The following COMMD1 variants were observed in gnomAD, a reference collection of about 807,000 sequenced individuals.
COMMD1 encodes the protein copper metabolism domain containing 1, also known as COMM domain-containing protein 1.
Under a neutral mutation model 17.2 loss-of-function variants are expected in COMMD1, and 10 were observed. That is an observed-to-expected ratio of 0.58 (90% confidence interval 0.36 to 0.99). The LOEUF (loss-of-function observed/expected upper bound fraction) is 0.99, where lower values mean the gene tolerates loss of function less well. Among genes scored for constraint, COMMD1 ranks in the 50% least tolerant of loss-of-function variants. The pLI is 0.01. For synonymous variants in COMMD1, 97 were observed against 91.6 expected (o/e 1.06, Z -0.34); for missense variants, 270 against 231.8 (o/e 1.17, Z -1.07).
chr2:62,133,549 G>GAAAAAAAAAAA (rs547044702), intron 2 of COMMD1, among the ~76,000 whole-genome samples: 1 of 116,402 alleles, frequency 8.6e-6, no homozygotes, highest in Non-Finnish European at 1.9e-5. Flanking sequence ...AAGCTTAACA[G>GAAAAAAAAAAA]AAAAAAAAAA....
At chr2:61,896,379 A>T (rs1669548514) in intron 1 of COMMD1, among the ~76,000 whole-genome samples, 1 of 152,062 alleles carries the variant, frequency 6.6e-6, no homozygotes, top group Non-Finnish European at 1.5e-5. Flanking sequence ...TGAGCCCAGG[A>T]ATTTGAGATC....
chr2:62,098,831 TC>T (rs912040762), intron 2 of COMMD1, among the ~76,000 whole-genome samples: 8 of 152,318 alleles, frequency 5.3e-5, no homozygotes, highest in Admixed American at 3.9e-4. Flanking sequence ...AAATCATTCT[TC>T]AGCTTTGTTC....
chr2:62,093,167 T>A (rs954808579), intron 2 of COMMD1, among the ~76,000 whole-genome samples: 6 of 152,168 alleles, frequency 3.9e-5, no homozygotes, highest in Non-Finnish European at 8.8e-5. Context: ...TTCTACTCAA[T>A]GAGAAAACAT....
At chr2:62,012,614 G>A (rs550421927) in intron 2 of COMMD1, among the ~76,000 whole-genome samples, 4 of 152,058 alleles carry the variant, frequency 2.6e-5, no homozygotes, top group Middle Eastern at 6.8e-3. Flanking sequence ...CACCGCACCC[G>A]GCCCCTTTGG....
At chr2:61,902,229 C>T (rs1289109421), upstream of COMMD1, among the ~76,000 whole-genome samples, 5 of 151,366 alleles carry the variant, frequency 3.3e-5, no homozygotes, top group Admixed American at 1.3e-4. Context: ...CTGAAGTGTC[C>T]GGGCACGGTG....
At chr2:62,103,088 C>T (rs1428140578) in intron 2 of COMMD1, among the ~76,000 whole-genome samples, 2 of 151,856 alleles carry the variant, frequency 1.3e-5, no homozygotes, top group African/African-American at 2.4e-5. Context: ...AGGCCATTCT[C>T]CTGCCTCAGC....
chr2:61,893,056 G>A (rs1356253875), intron 1 of COMMD1, among the ~76,000 whole-genome samples: 5 of 151,770 alleles, frequency 3.3e-5, no homozygotes, highest in African/African-American at 9.7e-5. Context: ...TAGTAGAGAC[G>A]GGGTTTCACC....
rs573615914 is a variant in COMMD1 at position 62,005,739 on chromosome 2, C to T, written c.462+4757C>T. Among the ~76,000 whole-genome samples, 1,185 of 151,410 alleles carry T rather than the reference C, an allele frequency of 7.8e-3. 4 individuals carry two copies. Among genetic ancestry groups the T allele is most frequent in the Non-Finnish European group, 0.012 (828 of 67,688 alleles). On this transcript the variant is annotated intron_variant, in intron 2 of 2. Transcript: ENST00000311832. ...TGGAGAAATAGGAACACTTTTACAC[C>T]GTTGGTGGGACTGTAAACTAGTTCA...
At chr2:62,107,779 A>T (rs1171685534) in intron 2 of COMMD1, among the ~76,000 whole-genome samples, 1 of 152,198 alleles carries the variant, frequency 6.6e-6, no homozygotes, top group Admixed American at 6.5e-5. Context: ...ATGTGTCAAC[A>T]TTCAGCTTTA....
chr2:62,009,270 A>G (rs1669212189), intron 2 of COMMD1, among the ~76,000 whole-genome samples: 1 of 152,190 alleles, frequency 6.6e-6, no homozygotes, highest in Admixed American at 6.5e-5. Context: ...ATTTAAAGGT[A>G]TAATTTATAG....
rs1260053238 is a variant in COMMD1 at position 62,019,038 on chromosome 2, C to CCTCCCTCCCTCCCTCCCTCCCTCT, written c.462+18064_462+18065insCTCCCTCCCTCCCTCTCTCCCTCC. Among the ~76,000 whole-genome samples the CCTCCCTCCCTCCCTCCCTCCCTCT allele has an allele frequency of 5.0e-3, 718 of 144,398 alleles. 15 individuals carry two copies. The highest frequency in any genetic ancestry group is 0.018 in the African/African-American group (670 of 37,104). The allele number at this position is 144,398 out of a possible 152,430, so 94.7% of individuals were successfully genotyped here. On this transcript the variant is annotated intron_variant, in intron 2 of 2. Coordinates refer to ENST00000311832, the MANE Select transcript of COMMD1 (RefSeq NM_152516.4). ...ACCAACCAACTTCCCTCCCTCCCTCCCTCCCTCCTTCCTTCCTTTCTTTCT... is the reference window on the plus strand; with the variant it reads ...ACCAACCAACTTCCCTCCCTCCCTCCCTCCCTCCCTCCCTCCCTCCCTCTCTCCCTCCTTCCTTCCTTTCTTTCT...
At chr2:61,954,625 A>G (rs1572998180) in intron 1 of COMMD1, among the ~76,000 whole-genome samples, 1 of 152,238 alleles carries the variant, frequency 6.6e-6, no homozygotes, top group South Asian at 2.1e-4. Flanking sequence ...GTAGGTAAAG[A>G]TAAAGGATAG....
intron 2 of COMMD1, among the ~76,000 whole-genome samples, chr2:62,035,452 G>GT (rs974345557): frequency 1.3e-5 from 2 of 152,052 alleles, no homozygotes; most frequent in African/African-American, 2.4e-5. Context: ...AGGTAGAATG[G>GT]TTTTTTGGCC....
At chr2:61,889,235 C>G (rs1379436021) in intron 1 of COMMD1, among the ~76,000 whole-genome samples, 1 of 90,956 alleles carries the variant, frequency 1.1e-5, no homozygotes, top group Non-Finnish European at 2.0e-5. Flanking sequence ...TTGACAGAGT[C>G]TCGCTCTGTC....
intron 1 of COMMD1, among the ~76,000 whole-genome samples, chr2:61,922,920 C>T (rs1008612184): frequency 6.6e-6 from 1 of 152,182 alleles, no homozygotes; most frequent in Non-Finnish European, 1.5e-5. Context: ...TAAATTTGTT[C>T]TGGAGTGACT....
intron 1 of COMMD1, among the ~76,000 whole-genome samples, chr2:61,957,070 T>C (rs1004215194): frequency 6.8e-6 from 1 of 146,570 alleles, no homozygotes; most frequent in African/African-American, 2.6e-5. Context: ...ATAGTTTTAA[T>C]TGAAGGAAGA....
At chr2:61,905,549 C>G (rs534215155), upstream of COMMD1, 1 of 856,094 alleles carries the variant, frequency 1.2e-6, no homozygotes, top group Non-Finnish European at 1.8e-6. Flanking sequence ...CCAACTCTGA[C>G]CCCTGGGGAA....
At chr2:62,041,040 C>T (rs1465323515) in intron 2 of COMMD1, among the ~76,000 whole-genome samples, 1 of 152,160 alleles carries the variant, frequency 6.6e-6, no homozygotes, top group Non-Finnish European at 1.5e-5. Context: ...CTGTTTTCCT[C>T]TTCACACTGC....
chr2:62,005,877 T>C (rs982172013), intron 2 of COMMD1, among the ~76,000 whole-genome samples: 15 of 151,530 alleles, frequency 9.9e-5, no homozygotes, highest in African/African-American at 3.4e-4. Flanking sequence ...ATCATGCTGC[T>C]ATAAAGACAC....
Sources: allele counts gnomAD v4.1 joint callset (sites outside exome capture counted in the v4.1 genomes callset), GRCh38; gene constraint gnomAD v4.1.1; transcripts MANE v1.5; gene names NCBI Gene and HGNC (gene_info 2026-07-23, HGNC 2026-07-21).